KANSL1: variants seen among roughly 807,000 people sequenced by gnomAD.
KANSL1 encodes KAT8 regulatory NSL complex subunit 1.
A neutral mutation model predicts 103.6 loss-of-function variants in KANSL1; 22 were observed. The observed-to-expected ratio is 0.21, with a 90% CI of 0.15 to 0.30. The LOEUF (loss-of-function observed/expected upper bound fraction) is 0.30. KANSL1 is among the 10% of genes least tolerant of loss of function. KANSL1 has a pLI of 1.00. For missense variants in KANSL1, 1,337 were observed against 1,399.8 expected, an observed-to-expected ratio of 0.96 and a Z score of 0.72; for synonymous variants, 600 against 527.6, an observed-to-expected ratio of 1.14 and a Z score of -1.88.
chr17:46,102,309 G>A (rs2042356886), intron 2 of KANSL1, among the ~76,000 whole-genome samples: 1 of 152,144 alleles, frequency 6.6e-6, no homozygotes, highest in Admixed American at 6.6e-5. Flanking sequence ...GAGTGCAGAG[G>A]CACGATCTCA....
intron 6 of KANSL1, among the ~76,000 whole-genome samples, chr17:46,062,091 C>CAAAAAAAA (rs35638067): frequency 5.7e-5 from 4 of 70,066 alleles, no homozygotes; most frequent in South Asian, 7.4e-4. Flanking sequence ...GACTCCGACT[C>CAAAAAAAA]AAAAAAAAAA....
At chr17:46,225,360 C>T (rs1048897077), upstream of KANSL1, 2 of 153,556 alleles carry the variant, frequency 1.3e-5, no homozygotes, top group African/African-American at 4.8e-5. Flanking sequence ...TCAACCAAGC[C>T]TAGAAGTGGG....
Position 46,032,507 on chromosome 17 carries a change from A to G in KANSL1, c.2838-208T>C, listed in dbSNP as rs2077039271. On this transcript the variant is annotated intron_variant, in intron 13 of 14. Transcript: ENST00000432791. ...CCATCCCAAGAAAAAAGCATGGCTG[A>G]ACAATGCCAGGTGAGTCCATAGCAA... is the stretch of plus-strand genomic sequence containing the variant. 8.4e-6 allele frequency: 4 copies of G among 475,368 alleles called. No homozygotes were observed. The East Asian group carries it at 1.3e-4, about 15-fold the overall frequency. The allele number at this position is 475,368 out of a possible 1,614,324, so 29.4% of individuals were successfully genotyped here. A position where few individuals can be genotyped will look rare whatever the true frequency, so the allele number is the denominator to read the frequency against.
In KANSL1 at chr17:46,171,578, T is replaced by C. The variant is rs779655554; in HGVS notation, c.566A>G (p.His189Arg). ...TTCAGATCCTCCCATTTCACCCCCA[T>C]GAAGAGCAGATGAAGTGAGAGCCCG... ...GKRALTSSAL[H>R]GGEMGGSESG... Residue 189 changes from histidine (H) to arginine (R), a missense_variant, in exon 2 of 15, where the codon CAT (histidine) becomes CGT (arginine). By Grantham distance (29) the His-to-Arg change is conservative. Around this residue, in one of 2 missense-constraint regions of KANSL1, gnomAD observed 557 missense variants for 476.4 expected, o/e 1.17. Coordinates refer to ENST00000432791, the MANE Select transcript of KANSL1 (RefSeq NM_015443.4). The C allele has an allele frequency of 4.4e-6, 7 of 1,603,728 alleles. No individual in the cohort carries two copies. The highest frequency in any genetic ancestry group is 6.0e-6 in the Non-Finnish European group (7 of 1,175,604).
At chr17:46,193,709 AG>A, upstream of KANSL1, 2 of 269,230 alleles carry the variant, frequency 7.4e-6, no homozygotes, top group Non-Finnish European at 1.6e-5. Context: ...GCACTGCGGC[AG>A]GGGGAAGCCA....
intron 3 of KANSL1, among the ~76,000 whole-genome samples, chr17:46,090,449 T>C (rs182041317): frequency 6.6e-6 from 1 of 152,368 alleles, no homozygotes; most frequent in East Asian, 1.9e-4. Flanking sequence ...GCATTACTTA[T>C]TGGAACTATC....
chr17:46,118,190 C>A (rs561538518), intron 2 of KANSL1, among the ~76,000 whole-genome samples: 14 of 152,278 alleles, frequency 9.2e-5, no homozygotes, highest in African/African-American at 3.4e-4. Context: ...GTCATGTTCC[C>A]GACGTTAGTT....
chr17:46,046,854 A>G (rs2077529695), intron 7 of KANSL1, among the ~76,000 whole-genome samples: 1 of 151,864 alleles, frequency 6.6e-6, no homozygotes, highest in African/African-American at 2.4e-5. Flanking sequence ...AAAAAAAAAA[A>G]AAAAAGAATT....
chr17:46,070,522 T>C (rs1418712592), intron 4 of KANSL1, among the ~76,000 whole-genome samples: 1 of 152,112 alleles, frequency 6.6e-6, no homozygotes, highest in African/African-American at 2.4e-5. Flanking sequence ...TCAAAAAGGC[T>C]AAACAAATAT....
At chr17:46,043,243 CAT>C (rs2077388562) in intron 7 of KANSL1, 1 of 151,624 alleles carries the variant, frequency 6.6e-6, no homozygotes, top group African/African-American at 2.4e-5. Context: ...CTCCAAAAAA[CAT>C]AGATTTTATT....
intron 6 of KANSL1, among the ~76,000 whole-genome samples, chr17:46,064,415 A>G (rs1374913974): frequency 6.6e-6 from 1 of 152,168 alleles, no homozygotes; most frequent in African/African-American, 2.4e-5. Flanking sequence ...TTACAGCAAC[A>G]TTCTTTGAAA....
chr17:46,096,332 T>TTTTTTTTTTTTTTTTTTTTTTTTTTTG (rs2042081347), intron 2 of KANSL1, among the ~76,000 whole-genome samples: 1 of 130,242 alleles, frequency 7.7e-6, no homozygotes, highest in Non-Finnish European at 1.7e-5. Flanking sequence ...TTTTTTTTTT[T>TTTTTTTTTTTTTTTTTTTTTTTTTTTG]GAGATGGAGT....
intron 10 of KANSL1, 95 bp downstream of exon 10, chr17:46,038,443 G>C (rs1356980565): frequency 4.5e-6 from 6 of 1,344,084 alleles, no homozygotes; most frequent in Non-Finnish European, 6.1e-6. Flanking sequence ...AATGCCCTGG[G>C]CTTTATAACC....
At chr17:46,107,570 A>G (rs375612369) in intron 2 of KANSL1, among the ~76,000 whole-genome samples, 1 of 152,100 alleles carries the variant, frequency 6.6e-6, no homozygotes, top group African/African-American at 2.4e-5. Flanking sequence ...GAAATCACTA[A>G]ATCTTCTTTC....
chr17:46,039,882 C>T lies in KANSL1; in HGVS notation c.2023G>A (p.Val675Ile). 2 of 1,614,148 alleles carry T rather than the reference C, an allele frequency of 1.2e-6. No individual in the cohort carries two copies. Among genetic ancestry groups the T allele is most frequent in the Non-Finnish European group, 1.7e-6 (2 of 1,179,986 alleles). The change falls in exon 8 of 15, where the codon GTT (valine) becomes ATT (isoleucine). Residue 675 changes from valine (V) to isoleucine (I), a missense_variant and splice_region_variant. Physicochemically the swap from Val to Ile is conservative, Grantham distance 29. Around this residue, in one of 2 missense-constraint regions of KANSL1, gnomAD observed 780 missense variants for 923.4 expected, o/e 0.84. Coordinates refer to ENST00000432791, the MANE Select transcript of KANSL1 (RefSeq NM_015443.4). The part of the protein sequence containing the change: ...VHPVLAFPDD[V>I]PTSLHFQSML... ...CTCTGGAAATGCAGGCTTGTGGGAA[C>T]ATCTGCAAGAAACATAAAATGCTAC...
chr17:46,030,121 G>T lies in KANSL1; in HGVS notation c.*1355C>A, dbSNP rs1485243815. The T allele has an allele frequency of 3.4e-5, 5 of 145,136 alleles. No individual in the cohort carries two copies. The highest frequency in any genetic ancestry group is 4.5e-5 in the Non-Finnish European group (3 of 66,042). 9.0% of individuals were successfully genotyped at this position (145,136 alleles called of 1,614,324 possible). The stretch of plus-strand genomic sequence containing the variant: ...AAAGAAAATATTTACAAAATACAAG[G>T]TTTTTTTTTTCCATTTTTTGTTTTT... On this transcript the variant is annotated 3_prime_UTR_variant, in exon 15 of 15. Transcript: ENST00000432791.
At chr17:46,163,136 C>T (rs2532287) in intron 2 of KANSL1, among the ~76,000 whole-genome samples, 144,226 of 152,314 alleles carry the variant, frequency 0.95, 68,290 homozygotes, top group East Asian at 1. Context: ...TGTAATTACC[C>T]GCTTAAATAT....
intron 2 of KANSL1, among the ~76,000 whole-genome samples, chr17:46,166,209 G>A: frequency 1.1e-5 from 1 of 89,546 alleles, no homozygotes. Flanking sequence ...GTGAGACTCT[G>A]TCTCAAAAAA....
chr17:46,116,201 C>T (rs1232141330), intron 2 of KANSL1, among the ~76,000 whole-genome samples: 1 of 152,126 alleles, frequency 6.6e-6, no homozygotes, highest in Non-Finnish European at 1.5e-5. Flanking sequence ...TAGCTCAGCA[C>T]GTAAAGTCCT....
Sources: gnomAD v4.1 joint callset for allele counts (sites outside exome capture counted in the v4.1 genomes callset) on GRCh38, gnomAD v4.1.1 for gene constraint, gnomAD v4.1.1 regional missense constraint, MANE v1.5 for transcripts, NCBI Gene and HGNC (gene_info 2026-07-23, HGNC 2026-07-21) for gene names.